Variants in SLC36A1 observed in about 807,000 individuals in gnomAD.
SLC36A1 encodes the protein proton-coupled amino acid transporter 1.
A neutral mutation model predicts 47.5 loss-of-function variants in SLC36A1; 30 were observed. The observed-to-expected ratio is 0.63, with a 90% CI of 0.47 to 0.86. The LOEUF (loss-of-function observed/expected upper bound fraction) is 0.86. SLC36A1 is among the 40% of genes least tolerant of loss of function. SLC36A1 has a pLI of 0.00. For synonymous variants in SLC36A1, 255 were observed against 249.7 expected (o/e 1.02, Z -0.20); for missense variants, 517 against 606.0 (o/e 0.85, Z 1.54).
At chr5:151,512,413 C>T in the SLC36A1 span, 2 of 1,614,116 alleles carry the variant, frequency 1.2e-6, no homozygotes, top group African/African-American at 1.3e-5. The surrounding 1 kb of genome is among the most constrained non-coding windows in gnomAD (Gnocchi z 4.1). Context: ...CCTTTCGGGC[C>T]TCAGACCACG....
At chr5:151,404,311 C>T in the SLC36A1 span, among the ~76,000 whole-genome samples, 1 of 152,148 alleles carries the variant, frequency 6.6e-6, no homozygotes, top group Admixed American at 6.5e-5. Flanking sequence ...GGTGTCCTTA[C>T]ATGTGAAATG....
At chr5:151,481,425 G>A (rs765445418) in intron 10 of SLC36A1, among the ~76,000 whole-genome samples, 17 of 152,180 alleles carry the variant, frequency 1.1e-4, no homozygotes, top group Non-Finnish European at 2.4e-4. Context: ...ATTTATGCGC[G>A]TTCATTTTGT....
chr5:151,409,157 G>T, the SLC36A1 span, among the ~76,000 whole-genome samples: 18 of 141,642 alleles, frequency 1.3e-4, no homozygotes, highest in African/African-American at 4.8e-4. Context: ...ATGCCACTAC[G>T]CCTAGACAAT....
At chr5:151,359,494 C>T in the SLC36A1 span, among the ~76,000 whole-genome samples, 1 of 152,086 alleles carries the variant, frequency 6.6e-6, no homozygotes, top group Admixed American at 6.5e-5. Context: ...TTTAAATAGC[C>T]TTATTATTAT....
chr5:151,502,780 C>T, the SLC36A1 span, among the ~76,000 whole-genome samples: 1 of 148,224 alleles, frequency 6.7e-6, no homozygotes, highest in Non-Finnish European at 1.5e-5. Flanking sequence ...CTACATAAAA[C>T]CTGCACACAG....
At chr5:151,444,152 CT>C (rs1276299369), upstream of SLC36A1, among the ~76,000 whole-genome samples, 1 of 152,088 alleles carries the variant, frequency 6.6e-6, no homozygotes, top group African/African-American at 2.4e-5. Context: ...TATTCAGGGT[CT>C]TTTGTGGTCT....
intron 3 of SLC36A1, 91 bp downstream of exon 3, chr5:151,463,734 T>A: frequency 1.0e-6 from 1 of 969,874 alleles, no homozygotes; most frequent in Non-Finnish European, 1.6e-6. Context: ...TAAAACATTT[T>A]AAATAGAGAA....
intron 10 of SLC36A1, among the ~76,000 whole-genome samples, chr5:151,482,304 T>G (rs1758908696): frequency 6.6e-6 from 1 of 150,598 alleles, no homozygotes; most frequent in African/African-American, 2.4e-5. Flanking sequence ...CCAGGAACCC[T>G]CATAAGGCCT....
rs1343934096 is a variant in SLC36A1 at position 151,488,494 on chromosome 5, A to G, written c.*240A>G. On this transcript the variant is annotated 3_prime_UTR_variant, in exon 11 of 11. Coordinates refer to ENST00000243389, the MANE Select transcript of SLC36A1 (RefSeq NM_078483.4). ...TGCCATCGCTCACCTGTACCTATTT[A>G]CACCCAGAACTTTCCAGCTCCCCCT... 1.9e-6 allele frequency: 1 copy of G among 538,250 alleles called. No homozygotes were observed. The highest frequency in any genetic ancestry group is 1.9e-5 in the African/African-American group (1 of 52,842). The allele number at this position is 538,250 out of a possible 1,614,324, so 33.3% of individuals were successfully genotyped here.
chr5:151,533,689 T>C, the SLC36A1 span, among the ~76,000 whole-genome samples: 3 of 152,090 alleles, frequency 2.0e-5, no homozygotes, highest in East Asian at 5.8e-4. Context: ...AATTATAAAA[T>C]TTGACTCAGG....
the SLC36A1 span, chr5:151,521,519 T>C: frequency 6.2e-7 from 1 of 1,614,172 alleles, no homozygotes; most frequent in Non-Finnish European, 8.5e-7. Flanking sequence ...TCGTAGAAGG[T>C]TCCAGAATGC....
the SLC36A1 span, among the ~76,000 whole-genome samples, chr5:151,507,889 T>C: frequency 1.3e-5 from 2 of 152,176 alleles, no homozygotes; most frequent in Non-Finnish European, 2.9e-5. Flanking sequence ...ATACACTCTC[T>C]ATCATGAGGT....
At chr5:151,494,885 G>A (rs773356821), downstream of SLC36A1, among the ~76,000 whole-genome samples, 13 of 152,028 alleles carry the variant, frequency 8.6e-5, no homozygotes. Flanking sequence ...GTGGCCATTC[G>A]CAAGTTTTGG....
the SLC36A1 span, among the ~76,000 whole-genome samples, chr5:151,497,409 T>G: frequency 6.6e-6 from 1 of 152,240 alleles, no homozygotes; most frequent in Non-Finnish European, 1.5e-5. Context: ...TTTTGAATAT[T>G]GAACTGGCCT....
At chr5:151,408,816 C>T in the SLC36A1 span, among the ~76,000 whole-genome samples, 1,125 of 152,138 alleles carry the variant, frequency 7.4e-3, 19 homozygotes, top group African/African-American at 0.026. Context: ...AATAAAAATC[C>T]ACTTGCAAAC....
At chr5:151,473,523 C>A in intron 7 of SLC36A1, 150 bp from the exon 8 acceptor site, 1 of 605,650 alleles carries the variant, frequency 1.7e-6, no homozygotes, top group Non-Finnish European at 2.9e-6. Context: ...GGTTAAATGT[C>A]CCTAAATCAT....
At chr5:151,444,571 C>T (rs532688109), upstream of SLC36A1, among the ~76,000 whole-genome samples, 146 of 152,122 alleles carry the variant, frequency 9.6e-4, 1 homozygote, top group Non-Finnish European at 1.3e-3. Context: ...CTGCAACCTC[C>T]GCCTCCCAGG....
the SLC36A1 span, among the ~76,000 whole-genome samples, chr5:151,539,665 C>T: frequency 6.6e-6 from 1 of 152,278 alleles, no homozygotes; most frequent in Middle Eastern, 3.4e-3. Flanking sequence ...TATCTATAAA[C>T]TTTGAAAGAA....
At chr5:151,505,298 A>G in the SLC36A1 span, 9 of 524,038 alleles carry the variant, frequency 1.7e-5, no homozygotes, top group East Asian at 2.8e-4. Flanking sequence ...CCGGGAGTCA[A>G]TTGTTCCTGG....
Sources: allele counts gnomAD v4.1 joint callset (sites outside exome capture counted in the v4.1 genomes callset), GRCh38; gene constraint gnomAD v4.1.1; non-coding constraint Gnocchi (gnomAD v3.1); transcripts MANE v1.5; gene names NCBI Gene and HGNC (gene_info 2026-07-23, HGNC 2026-07-21).